The following PRKN variants were observed in gnomAD, a reference collection of about 807,000 sequenced individuals.
The protein encoded by PRKN is parkin RBR E3 ubiquitin protein ligase, also known as E3 ubiquitin-protein ligase parkin.
Under a neutral mutation model 59.5 loss-of-function variants are expected in PRKN, and 56 were observed. That is an observed-to-expected ratio of 0.94 (90% CI 0.76 to 1.18). The LOEUF (loss-of-function observed/expected upper bound fraction) is 1.18. PRKN is among the 50% of genes most tolerant of loss of function. PRKN has a pLI of 0.00. For synonymous variants in PRKN, 250 were observed against 222.1 expected (o/e 1.13, Z -1.12); for missense variants, 657 against 596.4 (o/e 1.10, Z -1.06).
At chr6:162,200,229 T>G (rs1235932523) in intron 4 of PRKN, among the ~76,000 whole-genome samples, 3 of 152,098 alleles carry the variant, frequency 2.0e-5, no homozygotes, top group African/African-American at 7.2e-5. Context: ...CTGGACACGC[T>G]CGGCCTGCAT....
At chr6:161,614,978 AG>A (rs2070231220) in intron 7 of PRKN, among the ~76,000 whole-genome samples, 3 of 133,852 alleles carry the variant, frequency 2.2e-5, no homozygotes, top group Admixed American at 2.2e-4. Context: ...AGAGAGAGAG[AG>A]AGAGAGAGAG....
chr6:162,410,664 G>C lies in PRKN; in HGVS notation c.171+32646C>G, dbSNP rs1788311473. ...AGATAATTTTTCCCTGTCATTTACA[G>C]GCTGCTTCTCAAACCATGCCCCTTT... On this transcript the variant is annotated intron_variant, in intron 2 of 11. Transcript: ENST00000366898. 2.0e-5 allele frequency among the ~76,000 whole-genome samples: 3 copies of C among 152,210 alleles called. No homozygotes were observed. The South Asian group carries it at 6.2e-4, about 32-fold the overall frequency.
At chr6:161,862,224 A>G (rs949212628) in intron 6 of PRKN, among the ~76,000 whole-genome samples, 2 of 152,198 alleles carry the variant, frequency 1.3e-5, no homozygotes, top group African/African-American at 4.8e-5. Flanking sequence ...TTTGGAAGCC[A>G]CTATTCAACC....
intron 11 of PRKN, among the ~76,000 whole-genome samples, chr6:161,351,416 C>T (rs906787728): frequency 4.0e-5 from 6 of 151,550 alleles, no homozygotes; most frequent in African/African-American, 1.5e-4. Flanking sequence ...CCCCCACCTC[C>T]CAGGTTCAAG....
chr6:162,414,870 C>T (rs955311534), intron 2 of PRKN, among the ~76,000 whole-genome samples: 2 of 151,998 alleles, frequency 1.3e-5, no homozygotes, highest in African/African-American at 4.8e-5. Flanking sequence ...GGCTGCCTTA[C>T]AAAGGAACGG....
intron 1 of PRKN, among the ~76,000 whole-genome samples, chr6:162,543,684 A>G (rs1189056496): frequency 6.6e-6 from 1 of 152,150 alleles, no homozygotes; most frequent in Admixed American, 6.6e-5. Context: ...AACTCAGCCT[A>G]AGACCATTAT....
intron 1 of PRKN, among the ~76,000 whole-genome samples, chr6:162,623,834 T>C (rs566555685): frequency 3.3e-5 from 5 of 152,202 alleles, no homozygotes; most frequent in South Asian, 2.1e-4. Flanking sequence ...CCTACACATA[T>C]ATAAAAAAAC....
At position 162,005,876 on chromosome 6, in the gene PRKN, T is replaced by G. The variant is rs183542320; in HGVS notation, c.619-32459A>C. Among the ~76,000 whole-genome samples the G allele has an allele frequency of 3.5e-4, 54 of 152,244 alleles. 1 individual carries two copies. The highest frequency in any genetic ancestry group is 1.2e-3 in the African/African-American group (50 of 41,568). On this transcript the variant is annotated intron_variant, in intron 5 of 11. Transcript: ENST00000366898. The stretch of plus-strand genomic sequence containing the variant: ...ATTATTTCTATTATCTAAATCTATT[T>G]AATCCTATAATCTGAGTCCAACACT...
At chr6:161,532,554 T>C (rs1020726512) in intron 9 of PRKN, among the ~76,000 whole-genome samples, 1 of 152,156 alleles carries the variant, frequency 6.6e-6, no homozygotes, top group Non-Finnish European at 1.5e-5. Context: ...CCAGAGACAT[T>C]GAAAATATCT....
At chr6:162,400,749 A>C (rs1583506450) in intron 2 of PRKN, among the ~76,000 whole-genome samples, 1 of 152,106 alleles carries the variant, frequency 6.6e-6, no homozygotes, top group East Asian at 1.9e-4. Flanking sequence ...ACATTTCTTA[A>C]AACAGAGGAT....
At chr6:162,059,265 A>C (rs1054084528) in intron 4 of PRKN, among the ~76,000 whole-genome samples, 1 of 152,200 alleles carries the variant, frequency 6.6e-6, no homozygotes, top group Non-Finnish European at 1.5e-5. Flanking sequence ...AAACCATAAC[A>C]CAATGGTGTA....
intron 5 of PRKN, among the ~76,000 whole-genome samples, chr6:162,049,710 C>T (rs1777545106): frequency 6.6e-6 from 1 of 152,140 alleles, no homozygotes; most frequent in African/African-American, 2.4e-5. Context: ...TTAACATTGA[C>T]TCAGTGATTT....
chr6:162,635,796 G>T lies in PRKN; in HGVS notation c.7+91866C>A, dbSNP rs71567665. On this transcript the variant is annotated intron_variant, in intron 1 of 11. Transcript: ENST00000366898. ...CCAATAATTGTACACAGGCAGATCT[G>T]TCACTTGACACAAGTGAGTGCCTCA... Among the ~76,000 whole-genome samples, 365 of 152,200 alleles carry T rather than the reference G, an allele frequency of 2.4e-3. 2 individuals are homozygous for T. The highest frequency in any genetic ancestry group is 2.4e-3 in the Non-Finnish European group (166 of 68,022).
At chr6:162,657,238 G>A (rs1778676893) in intron 1 of PRKN, among the ~76,000 whole-genome samples, 1 of 152,120 alleles carries the variant, frequency 6.6e-6, no homozygotes, top group East Asian at 1.9e-4. Flanking sequence ...TGTTACAGAA[G>A]AGTTGGCTCC....
At chr6:161,807,598 C>T (rs548480016) in intron 6 of PRKN, among the ~76,000 whole-genome samples, 1 of 152,284 alleles carries the variant, frequency 6.6e-6, no homozygotes, top group African/African-American at 2.4e-5. Flanking sequence ...CTCTTCCTGG[C>T]TTCTGGTGTT....
chr6:162,689,491 T>C (rs1447540329), intron 1 of PRKN, among the ~76,000 whole-genome samples: 1 of 152,222 alleles, frequency 6.6e-6, no homozygotes, highest in Admixed American at 6.5e-5. Flanking sequence ...TTTAACTCTT[T>C]TGTGTGTTAA....
intron 2 of PRKN, among the ~76,000 whole-genome samples, chr6:162,390,798 TAGG>T (rs1418808987): frequency 2.6e-5 from 4 of 152,122 alleles, no homozygotes; most frequent in Non-Finnish European, 5.9e-5. Context: ...GTTAACATAA[TAGG>T]AGTAAAACTT....
intron 6 of PRKN, among the ~76,000 whole-genome samples, chr6:161,862,117 G>A (rs1793928070): frequency 6.6e-6 from 1 of 152,078 alleles, no homozygotes; most frequent in African/African-American, 2.4e-5. Flanking sequence ...AGATAATCCA[G>A]GATGACTGAC....
intron 6 of PRKN, among the ~76,000 whole-genome samples, chr6:161,814,900 C>A (rs1791709566): frequency 1.3e-5 from 2 of 152,174 alleles, no homozygotes; most frequent in Admixed American, 6.5e-5. Flanking sequence ...AATTACCTCC[C>A]ACAGGGTCCC....
Sources: allele counts gnomAD v4.1 joint callset (sites outside exome capture counted in the v4.1 genomes callset), GRCh38; gene constraint gnomAD v4.1.1; transcripts MANE v1.5; gene names NCBI Gene and HGNC (gene_info 2026-07-23, HGNC 2026-07-21).